MCTP2: variants seen among roughly 807,000 people sequenced by gnomAD.
MCTP2 encodes the protein multiple C2 and transmembrane domain-containing protein 2.
A neutral mutation model predicts 111.6 loss-of-function variants in MCTP2; 132 were observed. The observed-to-expected ratio is 1.18, with a 90% CI of 1.03 to 1.37. The LOEUF is 1.37. Ranked by LOEUF, MCTP2 falls within the 40% of genes most tolerant of loss-of-function variation. MCTP2 has a pLI of 0.00. For missense variants in MCTP2, 1,183 were observed against 1,067.9 expected, an observed-to-expected ratio of 1.11 and a Z score of -1.50; for synonymous variants, 395 against 387.7, an observed-to-expected ratio of 1.02 and a Z score of -0.22.
chr15:94,308,626 A>G (rs1250828187), intron 2 of MCTP2, among the ~76,000 whole-genome samples: 1 of 152,270 alleles, frequency 6.6e-6, no homozygotes, highest in Non-Finnish European at 1.5e-5. Context: ...TCTCCTGTTA[A>G]TAAACATGCA....
At chr15:94,291,739 A>G (rs1043625144) in intron 1 of MCTP2, among the ~76,000 whole-genome samples, 38 of 152,374 alleles carry the variant, frequency 2.5e-4, no homozygotes, top group African/African-American at 8.7e-4. Context: ...TGTGGCATGC[A>G]GCTAATATGT....
intron 1 of MCTP2, among the ~76,000 whole-genome samples, chr15:94,245,257 T>A (rs993158400): frequency 1.4e-5 from 2 of 143,118 alleles, no homozygotes; most frequent in African/African-American, 2.5e-5. Context: ...CATATGTATA[T>A]ATACATATGT....
intron 14 of MCTP2, among the ~76,000 whole-genome samples, chr15:94,398,741 T>TTCC (rs1170921336): frequency 6.6e-6 from 1 of 152,190 alleles, no homozygotes; most frequent in Non-Finnish European, 1.5e-5. Flanking sequence ...ACACACCAGT[T>TTCC]TCAGCCTAGT....
At chr15:94,286,919 G>T (rs952289334) in intron 1 of MCTP2, among the ~76,000 whole-genome samples, 2 of 152,140 alleles carry the variant, frequency 1.3e-5, no homozygotes, top group African/African-American at 4.8e-5. Context: ...GGTAGCATAG[G>T]TATCATGTTT....
intron 19 of MCTP2, among the ~76,000 whole-genome samples, chr15:94,450,025 G>A (rs293578): frequency 0.48 from 73,487 of 151,702 alleles, 18,733 homozygotes; most frequent in African/African-American, 0.65. Context: ...GTTGTATTTT[G>A]TGAGTATCTT....
At chr15:94,466,502 C>T (rs540072105) in intron 20 of MCTP2, among the ~76,000 whole-genome samples, 1 of 152,290 alleles carries the variant, frequency 6.6e-6, no homozygotes, top group Admixed American at 6.5e-5. Flanking sequence ...CTCCACTTAG[C>T]ACCGAGGGCA....
chr15:94,278,548 A>T (rs1017850951), intron 1 of MCTP2, among the ~76,000 whole-genome samples: 2 of 152,100 alleles, frequency 1.3e-5, no homozygotes, highest in African/African-American at 4.8e-5. Flanking sequence ...TATATTTATG[A>T]CCTTGAGGAT....
intron 4 of MCTP2, among the ~76,000 whole-genome samples, chr15:94,336,204 C>T (rs931341700): frequency 6.6e-6 from 1 of 152,206 alleles, no homozygotes; most frequent in African/African-American, 2.4e-5. Flanking sequence ...CCCTCCTTCG[C>T]TGTTGGAGCA....
intron 1 of MCTP2, among the ~76,000 whole-genome samples, chr15:94,268,810 G>T (rs1238765665): frequency 6.9e-6 from 1 of 145,754 alleles, no homozygotes; most frequent in African/African-American, 2.5e-5. Context: ...GATAAGAGTA[G>T]AGTCAGCTCT....
At chr15:94,448,569 C>T (rs919392975) in intron 19 of MCTP2, among the ~76,000 whole-genome samples, 5 of 152,130 alleles carry the variant, frequency 3.3e-5, no homozygotes, top group Non-Finnish European at 5.9e-5. Flanking sequence ...TTTTGGGTTT[C>T]TGATTTTTAA....
chr15:94,423,698 T>C (rs943362867), intron 17 of MCTP2, among the ~76,000 whole-genome samples: 1 of 152,194 alleles, frequency 6.6e-6, no homozygotes, highest in African/African-American at 2.4e-5. Context: ...AGAGTTCATA[T>C]TGGCGGCTGC....
At chr15:94,390,112 A>ATATATATGCATATG (rs1567603499) in intron 14 of MCTP2, among the ~76,000 whole-genome samples, 1 of 31,604 alleles carries the variant, frequency 3.2e-5, no homozygotes, top group African/African-American at 8.2e-5. Flanking sequence ...ATATATATAT[A>ATATATATGCATATG]TGTATATATA....
chr15:94,412,650 A>G (rs1403304621), intron 17 of MCTP2, among the ~76,000 whole-genome samples: 4 of 152,020 alleles, frequency 2.6e-5, no homozygotes. Flanking sequence ...CTTGTCTTAC[A>G]TTGTCTTCTC....
In MCTP2 at chr15:94,296,296, C is replaced by T. The variant is rs531337083; in HGVS notation, c.-65-1905C>T. Among the ~76,000 whole-genome samples, 3 of 152,320 alleles carry T rather than the reference C, an allele frequency of 2.0e-5. No homozygotes were observed. The South Asian group carries it at 6.2e-4, about 32-fold the overall frequency. On this transcript the variant is annotated intron_variant, in intron 1 of 22. Coordinates refer to ENST00000357742, the MANE Select transcript of MCTP2 (RefSeq NM_001385001.1). ...TATTGCTAACGTGAAATTCAAGTTT[C>T]TGTTTAGGATAACGTTTTTAAAAGC...
chr15:94,241,324 A>G (rs559870289), intron 1 of MCTP2, among the ~76,000 whole-genome samples: 2 of 152,304 alleles, frequency 1.3e-5, no homozygotes, highest in East Asian at 1.9e-4. Context: ...ATTCATTCCA[A>G]TAAGAAGCCA....
At chr15:94,260,787 G>A (rs1445797420) in intron 1 of MCTP2, among the ~76,000 whole-genome samples, 3 of 152,080 alleles carry the variant, frequency 2.0e-5, no homozygotes, top group Non-Finnish European at 4.4e-5. Context: ...CTCAGCCAAC[G>A]GCATTCCAAC....
intron 1 of MCTP2, among the ~76,000 whole-genome samples, chr15:94,238,459 T>C (rs1325426745): frequency 6.6e-6 from 1 of 152,152 alleles, no homozygotes; most frequent in Non-Finnish European, 1.5e-5. Flanking sequence ...AGATAGGTTT[T>C]CTTAGGTGCT....
At chr15:94,316,660 T>C (rs2076391897) in intron 4 of MCTP2, among the ~76,000 whole-genome samples, 1 of 152,242 alleles carries the variant, frequency 6.6e-6, no homozygotes, top group Non-Finnish European at 1.5e-5. Flanking sequence ...GCATTGACAT[T>C]AGTTATATAT....
At chr15:94,409,962 C>T (rs2082082959) in intron 17 of MCTP2, among the ~76,000 whole-genome samples, 1 of 150,818 alleles carries the variant, frequency 6.6e-6, no homozygotes, top group South Asian at 2.1e-4. Context: ...CAGAAGCCCT[C>T]CTCACCTCCT....
Sources: gnomAD v4.1 joint callset for allele counts (sites outside exome capture counted in the v4.1 genomes callset) on GRCh38, gnomAD v4.1.1 for gene constraint, MANE v1.5 for transcripts, NCBI Gene and HGNC (gene_info 2026-07-23, HGNC 2026-07-21) for gene names.